The following RAPGEF6 variants were observed in gnomAD, a reference collection of about 807,000 sequenced individuals.
RAPGEF6 encodes Rap guanine nucleotide exchange factor 6, also known as PDZ domain containing guanine nucleotide exchange factor (GEF) 2.
Under a neutral mutation model 171.4 loss-of-function variants are expected in RAPGEF6, and 56 were observed. That is an observed-to-expected ratio of 0.33 (90% confidence interval 0.26 to 0.41). The LOEUF (loss-of-function observed/expected upper bound fraction) is 0.41. Among genes scored for constraint, RAPGEF6 ranks in the 10% least tolerant of loss-of-function variants. RAPGEF6 has a pLI of 1.00. For missense variants in RAPGEF6, 1,674 were observed against 1,921.4 expected (o/e 0.87, Z 2.41); for synonymous variants, 692 against 650.1 (o/e 1.06, Z -0.98).
At position 131,439,628 on chromosome 5, in the gene RAPGEF6, G is replaced by C. The variant is rs371161507; in HGVS notation, c.3698C>G (p.Ser1233Cys). 1 of 1,612,650 alleles carries C rather than the reference G, an allele frequency of 6.2e-7. No individual in the cohort carries two copies. The highest frequency in any genetic ancestry group is 8.5e-7 in the Non-Finnish European group (1 of 1,179,262). Reference protein sequence around the residue: ...HTEDTISVASSLHSSPPASPQ... With the variant: ...HTEDTISVASCLHSSPPASPQ... ...AGATGCAGGAGGACTAGAATGTAAAGATGACGCCACAGAAATAGTGTCTTC... is the reference window on the plus strand; with the variant it reads ...AGATGCAGGAGGACTAGAATGTAAACATGACGCCACAGAAATAGTGTCTTC... The change falls in exon 24 of 28, where the codon TCT becomes TGT. Residue 1233 changes from serine to cysteine, a missense_variant. Physicochemically the swap from Ser to Cys is moderately radical, Grantham distance 112 (BLOSUM62 -1). Around this residue, in one of 3 missense-constraint regions of RAPGEF6, gnomAD observed 552 missense variants for 574.2 expected, o/e 0.96. Coordinates refer to ENST00000509018, the MANE Select transcript of RAPGEF6 (RefSeq NM_016340.6).
chr5:131,562,828 C>A (rs568860822), intron 4 of RAPGEF6, among the ~76,000 whole-genome samples: 1 of 151,810 alleles, frequency 6.6e-6, no homozygotes, highest in African/African-American at 2.4e-5. Context: ...GTGAAACCCA[C>A]GGATATGAAG....
chr5:131,562,286 T>C (rs1761653198), intron 4 of RAPGEF6, among the ~76,000 whole-genome samples: 1 of 152,104 alleles, frequency 6.6e-6, no homozygotes, highest in African/African-American at 2.4e-5. Context: ...AACTTCTGCC[T>C]TTAACTAGTC....
chr5:131,525,745 G>T (rs1416611164), intron 6 of RAPGEF6, among the ~76,000 whole-genome samples: 3 of 152,076 alleles, frequency 2.0e-5, no homozygotes, highest in Non-Finnish European at 2.9e-5. Flanking sequence ...TGTTTGGTTG[G>T]GGTGTCAGGG....
In RAPGEF6 at chr5:131,492,655, C is replaced by G. The variant is rs1756358982; in HGVS notation, c.1658G>C (p.Gly553Ala). ...QFSLNGGSEK[G>A]FGIFVEGVEP... ...TACTCCTTCAACAAAAATACCAAAT[C>G]CCTTCTCACTCCCTCCATTAAGGCT... is the stretch of plus-strand genomic sequence containing the variant. Residue 553 changes from glycine to alanine, a missense_variant, in exon 14 of 28, where the codon GGA (glycine) becomes GCA (alanine). Physicochemically the swap from Gly to Ala is moderately conservative, Grantham distance 60 (BLOSUM62 0). This residue lies in a region of RAPGEF6 where 1,116 missense variants were observed against 1,321.5 expected (regional missense o/e 0.84). Transcript: ENST00000509018. 5 of 1,614,174 alleles carry G rather than the reference C, an allele frequency of 3.1e-6. No individual in the cohort carries two copies. In the Admixed American group the frequency reaches 6.7e-5, roughly 22 times the overall value.
chr5:131,469,908 G>T, intron 17 of RAPGEF6: 2 of 964,800 alleles, frequency 2.1e-6, no homozygotes, highest in Non-Finnish European at 3.0e-6. Flanking sequence ...TTTTGATCTA[G>T]TAATAACTTT....
intron 21 of RAPGEF6, among the ~76,000 whole-genome samples, chr5:131,449,354 A>C (rs1752914266): frequency 6.6e-6 from 1 of 152,220 alleles, no homozygotes; most frequent in Non-Finnish European, 1.5e-5. Context: ...AATAAAATTC[A>C]GTCAATGCTA....
At chr5:131,450,769 C>A (rs1410056995) in intron 21 of RAPGEF6, among the ~76,000 whole-genome samples, 1 of 152,146 alleles carries the variant, frequency 6.6e-6, no homozygotes, top group Non-Finnish European at 1.5e-5. Context: ...CACTGGCTGA[C>A]AAAACTGATT....
At chr5:131,486,338 T>C (rs1464619326) in intron 15 of RAPGEF6, among the ~76,000 whole-genome samples, 1 of 152,228 alleles carries the variant, frequency 6.6e-6, no homozygotes, top group African/African-American at 2.4e-5. Flanking sequence ...TTTTGGATTG[T>C]TATGTTTGTT....
chr5:131,479,711 C>T lies in RAPGEF6; in HGVS notation c.1883G>A (p.Gly628Asp). Residue 628 changes from glycine (G) to aspartate (D), a missense_variant, in exon 16 of 28, where the codon GGT (glycine) becomes GAT (aspartate). Transcript: ENST00000509018. ...LLFRTEQEKS[G>D]VPHIPKIAEK... is the part of the protein sequence containing the mutation. ...AGCAATTTTGGGAATATGAGGAACACCAGATTTCTCTTGTTCAGTCCTAAA... is the reference window on the plus strand; with the variant it reads ...AGCAATTTTGGGAATATGAGGAACATCAGATTTCTCTTGTTCAGTCCTAAA... The T allele has an allele frequency of 6.2e-7, 1 of 1,613,728 alleles. No individual in the cohort carries two copies. Among genetic ancestry groups the T allele is most frequent in the South Asian group, 1.1e-5 (1 of 91,068 alleles).
intron 16 of RAPGEF6, among the ~76,000 whole-genome samples, chr5:131,476,444 A>G (rs1217652799): frequency 2.0e-5 from 3 of 151,926 alleles, no homozygotes; most frequent in African/African-American, 7.3e-5. Context: ...TACTAAAAAT[A>G]AAATTTATTT....
chr5:131,427,315 A>G, intron 27 of RAPGEF6, 24 bp from the exon 28 acceptor site: 1 of 1,574,956 alleles, frequency 6.3e-7, no homozygotes, highest in Non-Finnish European at 8.7e-7. Context: ...ATATATAATT[A>G]ACTGGCAGAT....
rs1334800095 is a variant in RAPGEF6 at position 131,424,260 on chromosome 5, A to T, written c.*3006T>A. The T allele has an allele frequency of 6.6e-6, 1 of 152,372 alleles. No individual in the cohort carries two copies. Among genetic ancestry groups the T allele is most frequent in the Non-Finnish European group, 1.5e-5 (1 of 68,040 alleles). The allele number at this position is 152,372 out of a possible 1,614,324, so 9.4% of individuals were successfully genotyped here. On this transcript the variant is annotated 3_prime_UTR_variant, in exon 28 of 28. Coordinates refer to ENST00000509018, the MANE Select transcript of RAPGEF6 (RefSeq NM_016340.6). ...CAAGTTCAACTGCATTCTGTGTATC[A>T]AAAATAAAGAAGCATTAAAAATGCA...
intron 6 of RAPGEF6, among the ~76,000 whole-genome samples, chr5:131,546,325 G>T (rs986660322): frequency 1.3e-5 from 2 of 152,136 alleles, no homozygotes; most frequent in Admixed American, 1.3e-4. Flanking sequence ...TAAGGAAAAG[G>T]CCGGGCGCTG....
chr5:131,545,173 A>G (rs946416864), intron 6 of RAPGEF6, among the ~76,000 whole-genome samples: 1 of 152,206 alleles, frequency 6.6e-6, no homozygotes, highest in Non-Finnish European at 1.5e-5. Context: ...ATTCATGTTT[A>G]TACAAAGCAA....
At chr5:131,442,951 C>CA (rs1561467980) in intron 22 of RAPGEF6, among the ~76,000 whole-genome samples, 3 of 146,696 alleles carry the variant, frequency 2.0e-5, no homozygotes, top group South Asian at 2.2e-4. Context: ...CAAAACCTGG[C>CA]TTTTTTTTTT....
chr5:131,482,093 G>C (rs1755526980), intron 15 of RAPGEF6, among the ~76,000 whole-genome samples: 1 of 152,198 alleles, frequency 6.6e-6, no homozygotes, highest in Non-Finnish European at 1.5e-5. Flanking sequence ...GGTTTCAACA[G>C]AAGGATGATA....
chr5:131,528,318 TA>T lies in RAPGEF6; in HGVS notation c.496-6798del, dbSNP rs1561538290. Among the ~76,000 whole-genome samples the T allele has an allele frequency of 2.1e-3, 102 of 47,514 alleles. 6 individuals carry two copies. Among genetic ancestry groups the T allele is most frequent in the African/African-American group, 6.7e-3 (100 of 14,856 alleles). 31.2% of individuals were successfully genotyped at this position (47,514 alleles called of 152,430 possible). ...AATAAAATAATATATTTATATTATA[TA>T]TATATATATATATATATATACACAC... On this transcript the variant is annotated intron_variant, in intron 6 of 27. Transcript: ENST00000509018.
intron 7 of RAPGEF6, among the ~76,000 whole-genome samples, chr5:131,515,001 A>T (rs1346133643): frequency 6.6e-6 from 1 of 152,184 alleles, no homozygotes; most frequent in Non-Finnish European, 1.5e-5. Context: ...GTATACATAA[A>T]TATAATTTGG....
At chr5:131,512,417 G>A (rs1757798264) in intron 7 of RAPGEF6, among the ~76,000 whole-genome samples, 1 of 148,176 alleles carries the variant, frequency 6.7e-6, no homozygotes, top group South Asian at 2.1e-4. Flanking sequence ...TGTCACCCAA[G>A]TTGTGCAGTG....
Sources: allele counts gnomAD v4.1 joint callset (sites outside exome capture counted in the v4.1 genomes callset), GRCh38; gene constraint gnomAD v4.1.1; regional missense constraint gnomAD v4.1.1; transcripts MANE v1.5; gene names NCBI Gene and HGNC (gene_info 2026-07-23, HGNC 2026-07-21).